Variants in CEP164 observed in about 807,000 individuals in gnomAD.
The protein encoded by CEP164 is centrosomal protein 164.
In CEP164, 162 loss-of-function variants were observed where a neutral mutation model predicts 182.7. That is an observed-to-expected ratio of 0.89 (90% CI 0.78 to 1.01). The LOEUF is 1.01. Ranked by LOEUF, CEP164 falls within the 50% of genes least tolerant of loss-of-function variation. The probability of loss-of-function intolerance (pLI) is 0.00; values close to 1 mark genes in which losing one functional copy is unlikely to be tolerated. For missense variants in CEP164, 1,735 were observed against 1,790.4 expected, an observed-to-expected ratio of 0.97 and a Z score of 0.56; for synonymous variants, 661 against 690.0, an observed-to-expected ratio of 0.96 and a Z score of 0.66.
chr11:117,361,121 G>A (rs536172322), intron 5 of CEP164, among the ~76,000 whole-genome samples: 2 of 149,094 alleles, frequency 1.3e-5, no homozygotes, highest in South Asian at 4.3e-4. Context: ...TTTTAGTAGA[G>A]ACAGGGTTTC....
At chr11:117,342,024 C>T (rs2038202077) in intron 3 of CEP164, among the ~76,000 whole-genome samples, 1 of 152,134 alleles carries the variant, frequency 6.6e-6, no homozygotes, top group African/African-American at 2.4e-5. Context: ...TGCTCTTCCA[C>T]CCTGATGTTC....
Position 117,396,548 on chromosome 11 carries a change from A to G in CEP164, c.3217-2A>G. 2 of 1,613,552 alleles carry G rather than the reference A, an allele frequency of 1.2e-6. No individual in the cohort carries two copies. The highest frequency in any genetic ancestry group is 2.7e-5 in the African/African-American group (2 of 75,018). ...GTGGACTTTTCTACCATGTGTCCCTAGAACCAGACCAAAGAGGTGTCTTCT... is the reference window on the plus strand; with the variant it reads ...GTGGACTTTTCTACCATGTGTCCCTGGAACCAGACCAAAGAGGTGTCTTCT... On this transcript the variant is annotated splice_acceptor_variant, in intron 25 of 32. Transcript: ENST00000278935. LOFTEE classifies it high-confidence loss of function.
At chr11:117,407,457 C>CAAAAAAAAAAA (rs1232486465) in intron 27 of CEP164, among the ~76,000 whole-genome samples, 3 of 68,990 alleles carry the variant, frequency 4.3e-5, no homozygotes, top group Admixed American at 1.8e-4. Flanking sequence ...TCTGTCTCTA[C>CAAAAAAAAAAA]AAAAAAAAAA....
intron 2 of CEP164, chr11:117,336,167 G>A: frequency 6.3e-7 from 1 of 1,579,786 alleles, no homozygotes; most frequent in Admixed American, 1.7e-5. Context: ...GAGCAGAACT[G>A]GTGAGACTTG....
Position 117,393,087 on chromosome 11 carries a change from G to C in CEP164, c.2577G>C (p.Gln859His). 1 of 1,613,666 alleles carries C rather than the reference G, an allele frequency of 6.2e-7. No homozygotes were observed. The highest frequency in any genetic ancestry group is 8.5e-7 in the Non-Finnish European group (1 of 1,179,848). ...TGGACAAGATGAAGGAGGAGCACCA[G>C]CAAGTGATGGCTAAGGCCAGAGAGC... is the stretch of plus-strand genomic sequence containing the variant. ...RRLDKMKEEH[Q>H]QVMAKAREQY... The change falls in exon 20 of 33, where the codon CAG (glutamine) becomes CAC (histidine). Residue 859 changes from glutamine (Q) to histidine (H), a missense_variant. Coordinates refer to ENST00000278935, the MANE Select transcript of CEP164 (RefSeq NM_014956.5).
At position 117,351,867 on chromosome 11, in the gene CEP164, A is replaced by C; in HGVS notation, c.272A>C (p.His91Pro). The C allele has an allele frequency of 1.2e-6, 2 of 1,613,682 alleles. No homozygotes were observed. Among genetic ancestry groups the C allele is most frequent in the Non-Finnish European group, 8.5e-7 (1 of 1,179,932 alleles). Residue 91 changes from histidine (H) to proline (P), a missense_variant, in exon 5 of 33, where the codon CAC becomes CCC. Transcript: ENST00000278935. ...QSMWDHPCDE[H>P]YRSLVIQERA... is the part of the protein sequence containing the mutation. ...ATGTGGGACCATCCATGTGACGAAC[A>C]CTATCGGAGCTTGGTGATCCAAGAG...
At chr11:117,330,285 C>CTCAA (rs1203150670) in intron 1 of CEP164, among the ~76,000 whole-genome samples, 1 of 152,176 alleles carries the variant, frequency 6.6e-6, no homozygotes, top group Admixed American at 6.5e-5. Flanking sequence ...GTAGGCTGAG[C>CTCAA]TCAAGTTCAG....
intron 30 of CEP164, 134 bp from the exon 31 acceptor site, chr11:117,410,693 CT>C (rs1737756168): frequency 1.6e-6 from 1 of 632,524 alleles, no homozygotes; most frequent in African/African-American, 1.8e-5. Flanking sequence ...AGGACCATTC[CT>C]GTCTCTCACC....
intron 10 of CEP164, among the ~76,000 whole-genome samples, chr11:117,374,773 CAT>C (rs1012078590): frequency 4.6e-5 from 7 of 152,252 alleles, no homozygotes; most frequent in Admixed American, 4.6e-4. Context: ...GAAACGTGCC[CAT>C]CAGCGTTTTT....
At chr11:117,395,743 T>G (rs771511730) in intron 24 of CEP164, 21 bp downstream of exon 24, 10 of 1,592,426 alleles carry the variant, frequency 6.3e-6, no homozygotes, top group Admixed American at 1.7e-5. Flanking sequence ...CACCCTGCAC[T>G]TAGCCCTGCT....
At chr11:117,344,381 G>A (rs1028435568) in intron 4 of CEP164, 104 bp downstream of exon 4, 1 of 738,090 alleles carries the variant, frequency 1.4e-6, no homozygotes, top group South Asian at 1.7e-5. Flanking sequence ...AGCCTATCCT[G>A]TACAGTCAGG....
Position 117,393,020 on chromosome 11 carries a change from G to A in CEP164, c.2510G>A (p.Arg837Gln), listed in dbSNP as rs1295582803. The A allele has an allele frequency of 6.8e-6, 11 of 1,613,346 alleles. No individual in the cohort carries two copies. Among genetic ancestry groups the A allele is most frequent in the South Asian group, 4.4e-5 (4 of 91,032 alleles). Reference sequence around the variant, plus strand: ...CCCCTGCAGCTCAGCAGTCTCCTGCGAGAGAAGCGCCAGGAAGTGGAAGGG... The same window carrying A: ...CCCCTGCAGCTCAGCAGTCTCCTGCAAGAGAAGCGCCAGGAAGTGGAAGGG... ...GYEHELSSLLREKRQEVEGEH... is the reference protein window; with the variant it reads ...GYEHELSSLLQEKRQEVEGEH... Residue 837 changes from arginine (R) to glutamine (Q), a missense_variant, in exon 20 of 33, where the codon CGA becomes CAA. Physicochemically the swap from Arg to Gln is conservative, Grantham distance 43. Coordinates refer to ENST00000278935, the MANE Select transcript of CEP164 (RefSeq NM_014956.5).
At chr11:117,391,579 G>C (rs749304769) in intron 17 of CEP164, among the ~76,000 whole-genome samples, 10 of 152,124 alleles carry the variant, frequency 6.6e-5, no homozygotes, top group Non-Finnish European at 1.5e-4. Context: ...GATTTAGCCA[G>C]ACCAGAGGTT....
intron 5 of CEP164, chr11:117,355,222 G>C (rs1261119895): frequency 7.8e-7 from 1 of 1,289,750 alleles, no homozygotes; most frequent in Admixed American, 2.3e-5. Flanking sequence ...CCCAATGCAG[G>C]AGAGAATTAG....
intron 14 of CEP164, 44 bp downstream of exon 14, chr11:117,382,986 G>T: frequency 6.3e-7 from 1 of 1,590,472 alleles, no homozygotes; most frequent in Non-Finnish European, 8.6e-7. Flanking sequence ...TCCACTGCGT[G>T]TGGGCTGCTT....
At chr11:117,364,747 C>A (rs1592179588) in intron 8 of CEP164, among the ~76,000 whole-genome samples, 2 of 152,254 alleles carry the variant, frequency 1.3e-5, no homozygotes, top group South Asian at 4.1e-4. Context: ...ATCCACCTAC[C>A]TTGGGCTCCC....
At chr11:117,344,738 C>T (rs980610607) in intron 4 of CEP164, among the ~76,000 whole-genome samples, 1 of 152,102 alleles carries the variant, frequency 6.6e-6, no homozygotes, top group Non-Finnish European at 1.5e-5. Flanking sequence ...ACCAGCCTGG[C>T]CAAGATGGTG....
At chr11:117,389,928 C>CAGTAGTTT (rs2044405369) in intron 15 of CEP164, among the ~76,000 whole-genome samples, 1 of 147,570 alleles carries the variant, frequency 6.8e-6, no homozygotes, top group Non-Finnish European at 1.5e-5. Context: ...ACCCAGAAGC[C>CAGTAGTTT]AGTAGTTTGC....
chr11:117,376,141 G>A (rs2042715531), intron 11 of CEP164, among the ~76,000 whole-genome samples: 1 of 152,134 alleles, frequency 6.6e-6, no homozygotes, highest in Admixed American at 6.5e-5. Flanking sequence ...CCCACCTGCT[G>A]CTCACCAGCT....
Sources: gnomAD v4.1 joint callset for allele counts (sites outside exome capture counted in the v4.1 genomes callset) on GRCh38, gnomAD v4.1.1 for gene constraint, MANE v1.5 for transcripts, NCBI Gene and HGNC (gene_info 2026-07-23, HGNC 2026-07-21) for gene names.